Variants in NUP43 observed in about 807,000 individuals in gnomAD.
The protein encoded by NUP43 is nucleoporin Nup43.
A neutral mutation model predicts 47.3 loss-of-function variants in NUP43; 32 were observed. That is an observed-to-expected ratio of 0.68 (90% CI 0.51 to 0.91). The LOEUF is 0.91. NUP43 is among the 40% of genes least tolerant of loss of function. The pLI, the probability that NUP43 is intolerant of heterozygous loss-of-function variation, is 0.00. For missense variants in NUP43, 444 were observed against 453.9 expected (o/e 0.98, Z 0.20); for synonymous variants, 147 against 158.4 (o/e 0.93, Z 0.54).
chr6:149,747,703 C>A (rs1786084095), upstream of NUP43, among the ~76,000 whole-genome samples: 1 of 152,138 alleles, frequency 6.6e-6, no homozygotes, highest in Admixed American at 6.6e-5. Flanking sequence ...ACTTATTCAA[C>A]TAAAAAATGA....
At chr6:149,746,593 G>C (rs750652718), upstream of NUP43, 1 of 1,610,312 alleles carries the variant, frequency 6.2e-7, no homozygotes, top group Non-Finnish European at 8.5e-7. Flanking sequence ...TGGGACTTTA[G>C]GACGGAGACG....
intron 4 of NUP43, among the ~76,000 whole-genome samples, chr6:149,739,312 G>C (rs985932311): frequency 1.3e-5 from 2 of 151,634 alleles, no homozygotes; most frequent in African/African-American, 4.8e-5. Context: ...TTTTGAGATG[G>C]ATCTCGCTCT....
chr6:149,731,760 C>A (rs769633800), intron 6 of NUP43, 25 bp from the exon 7 acceptor site: 3 of 1,609,030 alleles, frequency 1.9e-6, no homozygotes, highest in Non-Finnish European at 2.5e-6. Flanking sequence ...TCAATAAGCT[C>A]ATTCCTGTGC....
rs1044095649 is a variant in NUP43, at chr6:149,728,339, T to G, written c.914-1141A>C. On this transcript the variant is annotated intron_variant, in intron 7 of 7. Coordinates refer to ENST00000340413, the MANE Select transcript of NUP43 (RefSeq NM_198887.3). The stretch of plus-strand genomic sequence containing the variant: ...AAGTAAACTTGCAAGTTCAAGACTG[T>G]GCGGTTAGGGGAGGAAGGAAGTAAA... 1.6e-4 allele frequency: 160 copies of G among 985,038 alleles called. No individual in the cohort carries two copies. In the African/African-American group the frequency reaches 2.6e-3, roughly 16 times the overall value. The allele number at this position is 985,038 out of a possible 1,614,324, so 61.0% of individuals were successfully genotyped here.
chr6:149,735,211 C>T (rs1352003341), intron 6 of NUP43, among the ~76,000 whole-genome samples: 3 of 151,924 alleles, frequency 2.0e-5, no homozygotes, highest in African/African-American at 4.8e-5. Flanking sequence ...ATGCCACTCA[C>T]CTGGATTAAA....
At chr6:149,738,467 A>G (rs938395599) in intron 5 of NUP43, among the ~76,000 whole-genome samples, 176 bp downstream of exon 5, 2 of 152,238 alleles carry the variant, frequency 1.3e-5, no homozygotes, top group Admixed American at 6.5e-5. Context: ...AATAATTACT[A>G]AATGAAGCAT....
At chr6:149,742,103 T>C (rs1295968324) in intron 4 of NUP43, among the ~76,000 whole-genome samples, 1 of 148,872 alleles carries the variant, frequency 6.7e-6, no homozygotes, top group Non-Finnish European at 1.5e-5. Flanking sequence ...CTCTGCTCAC[T>C]GCAACCTCCG....
rs759312715 is a variant in NUP43 at position 149,746,528 on chromosome 6, G to A, written c.-33C>T. ...GCGGCCGCAGCAGGTACTGCAAAAA[G>A]CAAGCACAGTACGCGCCTCTCAGCA... is the stretch of plus-strand genomic sequence containing the variant. On this transcript the variant is annotated 5_prime_UTR_variant, in exon 1 of 8. Transcript: ENST00000340413. The A allele has an allele frequency of 1.2e-5, 19 of 1,614,078 alleles. No homozygotes were observed. The Middle Eastern group carries it at 6.6e-4, about 56-fold the overall frequency.
intron 2 of NUP43, 82 bp from the exon 3 acceptor site, chr6:149,743,797 A>T: frequency 1.3e-6 from 1 of 791,624 alleles, no homozygotes; most frequent in Non-Finnish European, 2.1e-6. Context: ...CTCAATTAGT[A>T]GCAAATCTTA....
chr6:149,727,627 T>C, intron 7 of NUP43: 1 of 808,368 alleles, frequency 1.2e-6, no homozygotes, highest in East Asian at 1.2e-4. Flanking sequence ...TAGACATATT[T>C]CTAGATGAAC....
Position 149,725,517 on chromosome 6 carries a change from A to T in NUP43, c.*1452T>A, listed in dbSNP as rs1456133782. On this transcript the variant is annotated 3_prime_UTR_variant, in exon 8 of 8. Coordinates refer to ENST00000340413, the MANE Select transcript of NUP43 (RefSeq NM_198887.3). Reference sequence around the variant, plus strand: ...GGCAGGAGAATTGCTTGAACCTAAGAGACGGAGGTTGCAGTGAGCTGAGAT... The same window carrying T: ...GGCAGGAGAATTGCTTGAACCTAAGTGACGGAGGTTGCAGTGAGCTGAGAT... The T allele has an allele frequency of 6.6e-6, 1 of 152,230 alleles. No individual in the cohort carries two copies. Among genetic ancestry groups the T allele is most frequent in the African/African-American group, 2.4e-5 (1 of 41,454 alleles). The allele number at this position is 152,230 out of a possible 1,614,324, so 9.4% of individuals were successfully genotyped here. A position where few individuals can be genotyped will look rare whatever the true frequency, so the allele number is the denominator to read the frequency against.
chr6:149,744,643 C>T (rs2115160410), intron 2 of NUP43, among the ~76,000 whole-genome samples: 1 of 152,090 alleles, frequency 6.6e-6, no homozygotes, highest in East Asian at 1.9e-4. Flanking sequence ...CAAGACCAGC[C>T]TGGCCAACAT....
rs773293718 is a variant in NUP43, at chr6:149,730,952, CAAAAT to C, written c.913+656_913+660del. Among the ~76,000 whole-genome samples the C allele has an allele frequency of 1.1e-4, 16 of 145,684 alleles. No homozygotes were observed. The South Asian group carries it at 1.3e-3, about 12-fold the overall frequency. ...GACGCTGTCTCAAACAAAAAAAAAA[CAAAAT>C]AAAAGTATGATAAAATTACACATAA... On this transcript the variant is annotated intron_variant, in intron 7 of 7. Transcript: ENST00000340413.
Position 149,731,692 on chromosome 6 carries a change from A to T in NUP43, c.834T>A (p.Phe278Leu), listed in dbSNP as rs374954615. 98 of 1,613,432 alleles carry T rather than the reference A, an allele frequency of 6.1e-5. No individual in the cohort carries two copies. Among genetic ancestry groups the T allele is most frequent in the Non-Finnish European group, 7.6e-5 (90 of 1,179,532 alleles). ...HFHPSNPEHL[F>L]TCSEDGSLWH... ...AGAGGGATCCATCTTCAGAGCAGGT[A>T]AAAAGATGTTCTGGGTTGGATGGGT... The change falls in exon 7 of 8, where the codon TTT (phenylalanine) becomes TTA (leucine). Residue 278 changes from phenylalanine (F) to leucine (L), a missense_variant. Transcript: ENST00000340413.
chr6:149,741,095 G>T (rs1785629355), intron 4 of NUP43, among the ~76,000 whole-genome samples: 1 of 151,998 alleles, frequency 6.6e-6, no homozygotes, highest in Admixed American at 6.6e-5. Context: ...CCTCTAGTCA[G>T]TCATTCATAC....
chr6:149,731,616 GGTGAAAGA>G lies in NUP43; in HGVS notation c.902_909del (p.Leu301ProfsTer12). The G allele has an allele frequency of 6.2e-7, 1 of 1,610,810 alleles. No individual in the cohort carries two copies. The highest frequency in any genetic ancestry group is 2.2e-5 in the East Asian group (1 of 44,758). ...AGTATTCATTAAAAAGTTTTACCTT[GGTGAAAGA>G]GTGACGACTTTTCAGGTACATCTGT... On this transcript the variant is annotated frameshift_variant, in exon 7 of 8. Coordinates refer to ENST00000340413, the MANE Select transcript of NUP43 (RefSeq NM_198887.3). LOFTEE classifies it high-confidence loss of function.
chr6:149,748,113 A>C (rs1330283995), upstream of NUP43, among the ~76,000 whole-genome samples: 3 of 152,148 alleles, frequency 2.0e-5, no homozygotes, highest in African/African-American at 4.8e-5. Context: ...CAGGAGTTCA[A>C]GACCAGCCTG....
At chr6:149,732,239 G>A (rs1417856053) in intron 6 of NUP43, among the ~76,000 whole-genome samples, 2 of 151,322 alleles carry the variant, frequency 1.3e-5, no homozygotes, top group Non-Finnish European at 2.9e-5. Flanking sequence ...TTTGCGTACT[G>A]GGCAAGGAAA....
rs565901597 is a variant in NUP43 at position 149,727,031 on chromosome 6, G to T, written c.1081C>A (p.Pro361Thr). 6.2e-7 allele frequency: 1 copy of T among 1,614,088 alleles called. No homozygotes were observed. Among genetic ancestry groups the T allele is most frequent in the East Asian group, 2.2e-5 (1 of 44,878 alleles). ...GCATCGGTTCCACAAACAAGACAAG[G>T]ACCTAAAACATCCAAAGTGTTCACA... ...LSVNTLDVLG[P>T]CLVCGTDAEA... The change falls in exon 8 of 8, where the codon CCT (proline) becomes ACT (threonine). Residue 361 changes from proline to threonine, a missense_variant. Pro to Thr is a conservative substitution (Grantham distance 38, BLOSUM62 -1). Transcript: ENST00000340413.
Sources: gnomAD v4.1 joint callset for allele counts (sites outside exome capture counted in the v4.1 genomes callset) on GRCh38, gnomAD v4.1.1 for gene constraint, MANE v1.5 for transcripts, NCBI Gene and HGNC (gene_info 2026-07-23, HGNC 2026-07-21) for gene names.